ELL2: variants seen among roughly 807,000 people sequenced by gnomAD.
ELL2 encodes the protein elongation factor for RNA polymerase II 2, also known as RNA polymerase II elongation factor ELL2.
Under a neutral mutation model 72.8 loss-of-function variants are expected in ELL2, and 21 were observed. The observed-to-expected ratio is 0.29, with a 90% CI of 0.20 to 0.42. The LOEUF (loss-of-function observed/expected upper bound fraction) is 0.42, where lower values mean the gene tolerates loss of function less well. ELL2 is among the 10% of genes least tolerant of loss of function. The pLI is 1.00. For missense variants in ELL2, 568 were observed against 772.8 expected, an observed-to-expected ratio of 0.73 and a Z score of 3.14; for synonymous variants, 266 against 283.2, an observed-to-expected ratio of 0.94 and a Z score of 0.61.
chr5:95,904,706 G>C (rs1749289635), intron 5 of ELL2, among the ~76,000 whole-genome samples: 1 of 152,196 alleles, frequency 6.6e-6, no homozygotes, highest in Admixed American at 6.5e-5. Flanking sequence ...CCAATTTTGG[G>C]ATGATTTGTA....
At chr5:95,922,176 C>A (rs1260120425) in intron 2 of ELL2, among the ~76,000 whole-genome samples, 1 of 152,136 alleles carries the variant, frequency 6.6e-6, no homozygotes, top group Admixed American at 6.5e-5. Flanking sequence ...CATTCTCCTG[C>A]CTCAGCCTCC....
intron 1 of ELL2, among the ~76,000 whole-genome samples, chr5:95,943,949 C>T (rs566338628): frequency 1.1e-4 from 16 of 152,278 alleles, no homozygotes; most frequent in African/African-American, 2.9e-4. Context: ...CAGAAACCCA[C>T]GAAGAAATCA....
chr5:95,957,370 G>A (rs1751662248), intron 1 of ELL2, among the ~76,000 whole-genome samples: 1 of 152,078 alleles, frequency 6.6e-6, no homozygotes, highest in Admixed American at 6.6e-5. Flanking sequence ...AGCTTATGTA[G>A]ACCACACAAT....
intron 1 of ELL2, among the ~76,000 whole-genome samples, chr5:95,959,531 C>G (rs1256402830): frequency 6.6e-6 from 1 of 152,230 alleles, no homozygotes; most frequent in African/African-American, 2.4e-5. Context: ...CTGCTTCTGT[C>G]CCTCTGCCTG....
At chr5:95,941,363 A>T (rs911860440) in intron 2 of ELL2, among the ~76,000 whole-genome samples, 2 of 152,190 alleles carry the variant, frequency 1.3e-5, no homozygotes, top group Non-Finnish European at 2.9e-5. Context: ...GGACATAGGT[A>T]GGAAAATTTA....
intron 2 of ELL2, among the ~76,000 whole-genome samples, chr5:95,920,243 T>C (rs1398397881): frequency 6.6e-6 from 1 of 151,528 alleles, no homozygotes; most frequent in Non-Finnish European, 1.5e-5. Flanking sequence ...GTATTTTCTT[T>C]GTTGTTGTTG....
At position 95,914,061 on chromosome 5, in the gene ELL2, A is replaced by T. The variant is rs529798213; in HGVS notation, c.318-127T>A. 158 of 751,070 alleles carry T rather than the reference A, an allele frequency of 2.1e-4. 1 individual carries two copies. The African/African-American group carries it at 2.2e-3, about 10-fold the overall frequency. The allele number at this position is 751,070 out of a possible 1,614,324, so 46.5% of individuals were successfully genotyped here. A position where few individuals can be genotyped will look rare whatever the true frequency, so the allele number is the denominator to read the frequency against. On this transcript the variant is annotated intron_variant, in intron 3 of 11. Transcript: ENST00000237853. ...TGCAATCCTAAAATAACTAATATTA[A>T]TTTTTAAATGTAAATGCTATTTAAA...
At chr5:95,930,435 G>A (rs1174734712) in intron 2 of ELL2, among the ~76,000 whole-genome samples, 1 of 152,190 alleles carries the variant, frequency 6.6e-6, no homozygotes, top group African/African-American at 2.4e-5. Context: ...CCCAGATTTT[G>A]TAAAATACAT....
chr5:95,917,384 A>G (rs2112307329), intron 3 of ELL2, among the ~76,000 whole-genome samples: 1 of 152,330 alleles, frequency 6.6e-6, no homozygotes, highest in Admixed American at 6.5e-5. Flanking sequence ...GGTTGAGTCA[A>G]TAAGCATGTA....
At chr5:95,948,315 A>T (rs1029147053) in intron 1 of ELL2, among the ~76,000 whole-genome samples, 51 of 151,310 alleles carry the variant, frequency 3.4e-4, no homozygotes, top group Admixed American at 3.3e-3. Flanking sequence ...CTGTAATCGC[A>T]GCTACTCGGG....
In ELL2 at chr5:95,943,050, C is replaced by A. The variant is rs1751027246; in HGVS notation, c.148-1G>T. The stretch of plus-strand genomic sequence containing the variant: ...TTGAAGGTCGAAAAGGAATTAAATT[C>A]TATTAAAAGAAACAAAAGAAACAAA... On this transcript the variant is annotated splice_acceptor_variant, in intron 1 of 11. Coordinates refer to ENST00000237853, the MANE Select transcript of ELL2 (RefSeq NM_012081.6). LOFTEE classifies it high-confidence loss of function. The A allele has an allele frequency of 6.3e-7, 1 of 1,599,576 alleles. No individual in the cohort carries two copies. The highest frequency in any genetic ancestry group is 1.1e-5 in the South Asian group (1 of 88,734).
chr5:95,900,870 A>G, intron 6 of ELL2, 86 bp downstream of exon 6: 2 of 1,559,138 alleles, frequency 1.3e-6, no homozygotes, highest in South Asian at 2.5e-5. Flanking sequence ...CCACCTTAAC[A>G]CTAAAATAAC....
intron 2 of ELL2, among the ~76,000 whole-genome samples, chr5:95,929,056 T>C (rs1015525397): frequency 8.5e-5 from 13 of 152,174 alleles, no homozygotes; most frequent in Admixed American, 7.9e-4. Context: ...TGAGTTCAGC[T>C]TAGGAGTCCT....
intron 5 of ELL2, among the ~76,000 whole-genome samples, chr5:95,904,569 G>A (rs1054945194): frequency 2.0e-5 from 3 of 152,176 alleles, no homozygotes; most frequent in African/African-American, 7.2e-5. Context: ...AATTAATAAT[G>A]TCCACAGGGT....
At chr5:95,907,296 A>ATATATATATATATATATTTTT in intron 4 of ELL2, among the ~76,000 whole-genome samples, 1 of 116,484 alleles carries the variant, frequency 8.6e-6, no homozygotes, top group African/African-American at 4.1e-5. Flanking sequence ...ATATATATAT[A>ATATATATATATATATATTTTT]TTTTTTTTTT....
chr5:95,916,088 A>G (rs1390762842), intron 3 of ELL2, among the ~76,000 whole-genome samples: 1 of 151,854 alleles, frequency 6.6e-6, no homozygotes, highest in African/African-American at 2.4e-5. Context: ...CATGAACCAG[A>G]GTAGGGCAGT....
intron 1 of ELL2, among the ~76,000 whole-genome samples, chr5:95,957,404 T>C (rs543412638): frequency 3.9e-5 from 6 of 152,252 alleles, no homozygotes; most frequent in Admixed American, 1.3e-4. Context: ...TTAAAATGAC[T>C]ATAAAGTTGT....
At chr5:95,920,431 T>C (rs920804336) in intron 2 of ELL2, among the ~76,000 whole-genome samples, 4 of 151,704 alleles carry the variant, frequency 2.6e-5, no homozygotes, top group South Asian at 4.2e-4. Flanking sequence ...TGCCTCAGCC[T>C]CCTGAGTAGC....
intron 1 of ELL2, among the ~76,000 whole-genome samples, chr5:95,953,035 G>A (rs1019169957): frequency 1.1e-4 from 16 of 152,234 alleles, no homozygotes; most frequent in Non-Finnish European, 2.9e-5. Flanking sequence ...ATGACCACCG[G>A]ATTTTAACAG....
Sources: gnomAD v4.1 joint callset for allele counts (sites outside exome capture counted in the v4.1 genomes callset) on GRCh38, gnomAD v4.1.1 for gene constraint, MANE v1.5 for transcripts, NCBI Gene and HGNC (gene_info 2026-07-23, HGNC 2026-07-21) for gene names.